The following HCFC2 variants were observed in gnomAD, a reference collection of about 807,000 sequenced individuals.
HCFC2 encodes host cell factor C2, also known as host cell factor 2.
HCFC2 carries 18 observed loss-of-function variants against 89.2 expected under a neutral mutation model. The observed-to-expected ratio is 0.20, with a 90% CI of 0.14 to 0.30. HCFC2 has a LOEUF of 0.30. HCFC2 is among the 10% of genes least tolerant of loss of function. The pLI is 1.00. For missense variants in HCFC2, 578 were observed against 956.1 expected (o/e 0.60, Z 5.21); for synonymous variants, 308 against 335.7 (o/e 0.92, Z 0.90).
chr12:104,075,502 A>G (rs1171887492), intron 3 of HCFC2, among the ~76,000 whole-genome samples: 1 of 132,698 alleles, frequency 7.5e-6, no homozygotes, highest in Non-Finnish European at 1.5e-5. Context: ...TCTGTCACCC[A>G]GGCTAGAGGG....
In HCFC2 at chr12:104,103,131, G is replaced by C. The variant is rs1460052838; in HGVS notation, c.2237G>C (p.Gly746Ala). Residue 746 changes from glycine (G) to alanine (A), a missense_variant, in exon 15 of 15, where the codon GGG becomes GCG. Gly to Ala is a moderately conservative substitution (Grantham distance 60). This residue lies in a region of HCFC2 where 140 missense variants were observed against 266.4 expected (regional missense o/e 0.53). Coordinates refer to ENST00000229330, the MANE Select transcript of HCFC2 (RefSeq NM_013320.3). ...GLKTSCIVTAGQLANAHIDYT... is the reference protein window; with the variant it reads ...GLKTSCIVTAAQLANAHIDYT... ...AAGACATCATGTATAGTAACTGCTG[G>C]GCAACTTGCAAATGCACATATTGAT... The C allele has an allele frequency of 6.2e-7, 1 of 1,614,054 alleles. No individual in the cohort carries two copies. Among genetic ancestry groups the C allele is most frequent in the Non-Finnish European group, 8.5e-7 (1 of 1,179,970 alleles).
chr12:104,098,191 A>G (rs1884230525), intron 12 of HCFC2, 152 bp from the exon 13 acceptor site: 3 of 538,466 alleles, frequency 5.6e-6, no homozygotes, highest in Middle Eastern at 1.0e-3. Flanking sequence ...CAGTTGACCT[A>G]ATCTGTTAAG....
chr12:104,072,554 T>C (rs1042503688), intron 3 of HCFC2, among the ~76,000 whole-genome samples: 3 of 152,166 alleles, frequency 2.0e-5, no homozygotes, highest in African/African-American at 7.2e-5. Context: ...CAATATTTTG[T>C]AGTTTTCAAT....
rs753573603 is a variant in HCFC2, at chr12:104,096,383, G to A, written c.1690G>A (p.Ala564Thr). 3 of 1,606,316 alleles carry A rather than the reference G, an allele frequency of 1.9e-6. No individual in the cohort carries two copies. The highest frequency in any genetic ancestry group is 1.3e-5 in the African/African-American group (1 of 74,988). Reference sequence around the variant, plus strand: ...AGTTGATGAAACATATGCACTGCCTGCAACGAAGATCAGCCGTGTAGAGAC... The same window carrying A: ...AGTTGATGAAACATATGCACTGCCTACAACGAAGATCAGCCGTGTAGAGAC... The part of the protein sequence containing the change: ...SEVDETYALP[A>T]TKISRVETHA... Residue 564 changes from alanine (A) to threonine (T), a missense_variant, in exon 12 of 15, where the codon GCA (alanine) becomes ACA (threonine). Ala to Thr is a moderately conservative substitution (Grantham distance 58). Around this residue, in one of 4 missense-constraint regions of HCFC2, gnomAD observed 210 missense variants for 251.7 expected, o/e 0.83. Transcript: ENST00000229330.
chr12:104,085,881 A>G (rs545104195), intron 7 of HCFC2, among the ~76,000 whole-genome samples: 4 of 149,764 alleles, frequency 2.7e-5, no homozygotes, highest in Middle Eastern at 3.5e-3. Context: ...CTTTACTTCC[A>G]TATCTCTATA....
At position 104,079,506 on chromosome 12, in the gene HCFC2, A is replaced by C. The variant is rs113829238; in HGVS notation, c.535A>C (p.Ile179Leu). ...TGGCTCTGGTGTTGTGGGTTGGAGC[A>C]TTCCAGTGACTAAAGGGGTTGTGCC... ...QHGSGVVGWS[I>L]PVTKGVVPSP... Residue 179 changes from isoleucine to leucine, a missense_variant, in exon 4 of 15, where the codon ATT (isoleucine) becomes CTT (leucine). By Grantham distance (5) the Ile-to-Leu change is conservative. Coordinates refer to ENST00000229330, the MANE Select transcript of HCFC2 (RefSeq NM_013320.3). The C allele has an allele frequency of 2.0e-5, 33 of 1,614,182 alleles. No individual in the cohort carries two copies. The African/African-American group carries it at 2.4e-4, about 12-fold the overall frequency.
chr12:104,097,563 A>T (rs1246311971), intron 12 of HCFC2: 34 of 544,352 alleles, frequency 6.2e-5, no homozygotes, highest in Non-Finnish European at 7.7e-5. Flanking sequence ...CCTAAATATT[A>T]AAAAAATGTG....
rs948878876 is a variant in HCFC2 at position 104,064,819 on chromosome 12, C to G, written c.163+96C>G. 7.8e-6 allele frequency: 9 copies of G among 1,155,806 alleles called. No individual in the cohort carries two copies. Among genetic ancestry groups the G allele is most frequent in the Middle Eastern group, 2.9e-4 (1 of 3,496 alleles). The allele number at this position is 1,155,806 out of a possible 1,614,324, so 71.6% of individuals were successfully genotyped here. A position where few individuals can be genotyped will look rare whatever the true frequency, so the allele number is the denominator to read the frequency against. ...CCGCGGCCCTGACAGCTGTCACCGC[C>G]CGGTCACTGCTTCCTTGGGCGGGCG... On this transcript the variant is annotated intron_variant, in intron 1 of 14. Transcript: ENST00000229330. This position sits in a 1 kb window ranked among gnomAD's most constrained non-coding sequence, Gnocchi z 7.3.
At chr12:104,082,002 CTTTCTCT>C (rs1172928109) in intron 5 of HCFC2, among the ~76,000 whole-genome samples, 3 of 151,816 alleles carry the variant, frequency 2.0e-5, no homozygotes, top group Non-Finnish European at 4.4e-5. Flanking sequence ...CCTAATGAGC[CTTTCTCT>C]TCCAGCAGCC....
chr12:104,101,891 T>G, intron 13 of HCFC2, 77 bp from the exon 14 acceptor site: 1 of 948,846 alleles, frequency 1.1e-6, no homozygotes, highest in South Asian at 3.2e-5. Flanking sequence ...TTTTGTTTAA[T>G]AAAAATTGAA....
chr12:104,098,929 G>A (rs1430592012), intron 13 of HCFC2, among the ~76,000 whole-genome samples: 1 of 152,144 alleles, frequency 6.6e-6, no homozygotes, highest in Non-Finnish European at 1.5e-5. Context: ...GAACCCGGGA[G>A]GTGGAGCTTG....
Position 104,066,198 on chromosome 12 carries a change from A to C in HCFC2, c.195A>C (p.Arg65Ser). 6.2e-7 allele frequency: 1 copy of C among 1,613,462 alleles called. No individual in the cohort carries two copies. Among genetic ancestry groups the C allele is most frequent in the Non-Finnish European group, 8.5e-7 (1 of 1,179,824 alleles). The change falls in exon 2 of 15, where the codon AGA becomes AGC. Residue 65 changes from arginine (R) to serine (S), a missense_variant. Coordinates refer to ENST00000229330, the MANE Select transcript of HCFC2 (RefSeq NM_013320.3). ...ATNQWFLPAV[R>S]GDIPPGCAAH... is the part of the protein sequence containing the mutation. Reference sequence around the variant, plus strand: ...ATCAGTGGTTTCTGCCAGCTGTTAGAGGAGATATCCCTCCAGGCTGTGCTG... The same window carrying C: ...ATCAGTGGTTTCTGCCAGCTGTTAGCGGAGATATCCCTCCAGGCTGTGCTG...
chr12:104,089,026 C>T (rs1883947130), intron 9 of HCFC2, among the ~76,000 whole-genome samples: 2 of 152,110 alleles, frequency 1.3e-5, no homozygotes, highest in Admixed American at 1.3e-4. Flanking sequence ...ATCTGCAGGG[C>T]TTTGGTTTCA....
At chr12:104,081,904 CAAAAAAA>C (rs761929991) in intron 5 of HCFC2, among the ~76,000 whole-genome samples, 3 of 62,564 alleles carry the variant, frequency 4.8e-5, no homozygotes, top group Non-Finnish European at 3.1e-5. Context: ...GATCCTGTCT[CAAAAAAA>C]AAAAAAAAAA....
chr12:104,102,864 T>A (rs1158950402), intron 14 of HCFC2, 95 bp from the exon 15 acceptor site: 4 of 1,055,676 alleles, frequency 3.8e-6, no homozygotes, highest in Non-Finnish European at 5.4e-6. Context: ...TTAGTAAAAA[T>A]GAACATTTTG....
At chr12:104,091,368 G>A (rs752043433) in intron 9 of HCFC2, among the ~76,000 whole-genome samples, 6 of 152,168 alleles carry the variant, frequency 3.9e-5, no homozygotes, top group Admixed American at 2.0e-4. Flanking sequence ...ACCACTGACT[G>A]CACTGGGCCC....
intron 6 of HCFC2, 31 bp downstream of exon 6, chr12:104,082,637 A>C: frequency 6.4e-7 from 1 of 1,567,492 alleles, no homozygotes; most frequent in East Asian, 2.2e-5. Context: ...TCATTGAATT[A>C]ATCTTTATTA....
intron 7 of HCFC2, among the ~76,000 whole-genome samples, chr12:104,084,311 C>T (rs899496230): frequency 3.3e-5 from 5 of 152,006 alleles, no homozygotes; most frequent in Non-Finnish European, 2.9e-5. Context: ...AGGTATTGGG[C>T]GTGGGAGTGG....
chr12:104,079,399 G>C (rs1883614057), intron 3 of HCFC2, 46 bp from the exon 4 acceptor site: 1 of 1,337,424 alleles, frequency 7.5e-7, no homozygotes. Context: ...TGCAAATAAA[G>C]GGTATATATT....
Sources: gnomAD v4.1 joint callset for allele counts (sites outside exome capture counted in the v4.1 genomes callset) on GRCh38, gnomAD v4.1.1 for gene constraint, gnomAD v4.1.1 regional missense constraint, Gnocchi (gnomAD v3.1) non-coding constraint, MANE v1.5 for transcripts, NCBI Gene and HGNC (gene_info 2026-07-23, HGNC 2026-07-21) for gene names.